Variants in FAM20C observed in about 807,000 individuals in gnomAD.
The protein encoded by FAM20C is FAM20C golgi associated secretory pathway kinase.
In FAM20C, 40 loss-of-function variants were observed where a neutral mutation model predicts 51.5. That is an observed-to-expected ratio of 0.78 (90% CI 0.60 to 1.01). The LOEUF (loss-of-function observed/expected upper bound fraction) is 1.01, where lower values mean the gene tolerates loss of function less well. FAM20C is among the 50% of genes least tolerant of loss of function. FAM20C has a pLI of 0.00. For missense variants in FAM20C, 861 were observed against 844.7 expected (o/e 1.02, Z -0.24); for synonymous variants, 406 against 380.6 (o/e 1.07, Z -0.78).
chr7:231,254 G>C (rs1321100649), intron 3 of FAM20C, among the ~76,000 whole-genome samples: 1 of 152,214 alleles, frequency 6.6e-6, no homozygotes, highest in Non-Finnish European at 1.5e-5. Context: ...GGGCAGAGCA[G>C]GAGCAGCAGC....
chr7:247,315 G>A (rs1000140948), intron 4 of FAM20C, among the ~76,000 whole-genome samples: 1 of 152,172 alleles, frequency 6.6e-6, no homozygotes, highest in Admixed American at 6.5e-5. Flanking sequence ...GTCCAGAGGG[G>A]CCCCGTGGAT....
intron 3 of FAM20C, among the ~76,000 whole-genome samples, chr7:210,059 G>A (rs775660384): frequency 9.9e-5 from 15 of 152,184 alleles, no homozygotes; most frequent in Non-Finnish European, 2.1e-4. Context: ...CCGGGCCGAG[G>A]GCATCCCCGC....
chr7:203,938 C>A (rs139317368), intron 2 of FAM20C, among the ~76,000 whole-genome samples: 2 of 152,162 alleles, frequency 1.3e-5, no homozygotes, highest in Non-Finnish European at 2.9e-5. Context: ...GGGCTTAATC[C>A]GGCTACTAAT....
At chr7:210,413 T>C (rs1292766714) in intron 3 of FAM20C, among the ~76,000 whole-genome samples, 19 of 152,092 alleles carry the variant, frequency 1.2e-4, no homozygotes, top group Admixed American at 1.2e-3. Context: ...CCTTTCAGGA[T>C]GCTGTGGTGT....
chr7:257,634 G>T (rs1276984168), intron 8 of FAM20C, among the ~76,000 whole-genome samples: 1 of 152,186 alleles, frequency 6.6e-6, no homozygotes, highest in Admixed American at 6.5e-5. Flanking sequence ...GCTAAACTGT[G>T]GGCTGACGCT....
At chr7:204,458 G>T (rs1562366204) in intron 2 of FAM20C, among the ~76,000 whole-genome samples, 1 of 152,274 alleles carries the variant, frequency 6.6e-6, no homozygotes, top group African/African-American at 2.4e-5. Flanking sequence ...TGTCAAACGT[G>T]GTTCCTGACA....
chr7:222,526 G>A (rs967055130), intron 3 of FAM20C, among the ~76,000 whole-genome samples: 1 of 152,164 alleles, frequency 6.6e-6, no homozygotes, highest in African/African-American at 2.4e-5. Context: ...GAGTGCACAG[G>A]TGTCCACGGA....
intron 9 of FAM20C, among the ~76,000 whole-genome samples, 157 bp from the exon 10 acceptor site, chr7:259,574 G>A (rs771899790): frequency 8.2e-6 from 1 of 121,904 alleles, no homozygotes; most frequent in African/African-American, 3.4e-5. Context: ...CTCTTTCTCT[G>A]TGTATGTCTC....
At chr7:223,075 A>G (rs1040369134) in intron 3 of FAM20C, among the ~76,000 whole-genome samples, 2 of 151,950 alleles carry the variant, frequency 1.3e-5, no homozygotes, top group African/African-American at 4.8e-5. Flanking sequence ...ACGTGTGTGT[A>G]GGCTTATGTG....
At chr7:233,128 G>T (rs1261055204) in intron 3 of FAM20C, among the ~76,000 whole-genome samples, 1 of 152,230 alleles carries the variant, frequency 6.6e-6, no homozygotes, top group Non-Finnish European at 1.5e-5. Flanking sequence ...TCCAGACCTC[G>T]GTTTCCTTGT....
At chr7:242,887 T>A (rs1284808948) in intron 3 of FAM20C, among the ~76,000 whole-genome samples, 2 of 152,076 alleles carry the variant, frequency 1.3e-5, no homozygotes, top group African/African-American at 4.8e-5. Context: ...AGTGGCTGTG[T>A]GTCCAGGGGA....
chr7:214,512 A>G (rs563043951), intron 3 of FAM20C, among the ~76,000 whole-genome samples: 3 of 152,334 alleles, frequency 2.0e-5, no homozygotes, highest in African/African-American at 7.2e-5. Context: ...GGGAGGCGGT[A>G]CCTGCACTTG....
intron 3 of FAM20C, among the ~76,000 whole-genome samples, chr7:231,705 C>T (rs1014501876): frequency 2.0e-5 from 3 of 152,160 alleles, no homozygotes; most frequent in Non-Finnish European, 4.4e-5. Context: ...GGGGCGCGTG[C>T]GTCTGGCTGA....
At chr7:229,676 G>C (rs190404920) in intron 3 of FAM20C, 1 of 152,250 alleles carries the variant, frequency 6.6e-6, no homozygotes, top group Admixed American at 6.5e-5. Flanking sequence ...CCGCGAACTC[G>C]GGGACCAAAA....
chr7:220,530 C>G (rs565928017), intron 3 of FAM20C, among the ~76,000 whole-genome samples: 2 of 152,316 alleles, frequency 1.3e-5, no homozygotes, highest in Admixed American at 1.3e-4. Context: ...CGTTGTTCCA[C>G]TGACCTTCTG....
chr7:220,468 G>A (rs547660192), intron 3 of FAM20C, among the ~76,000 whole-genome samples: 2 of 152,338 alleles, frequency 1.3e-5, no homozygotes, highest in South Asian at 2.1e-4. Context: ...GGGGTGATGC[G>A]TGGAGGGACT....
intron 5 of FAM20C, among the ~76,000 whole-genome samples, chr7:254,186 C>G (rs961506047): frequency 6.6e-6 from 1 of 152,180 alleles, no homozygotes; most frequent in Non-Finnish European, 1.5e-5. Flanking sequence ...GTTTCCTCTC[C>G]GAACCTCAGC....
intron 3 of FAM20C, among the ~76,000 whole-genome samples, chr7:235,578 C>T (rs1453832650): frequency 1.3e-5 from 2 of 152,252 alleles, no homozygotes; most frequent in Non-Finnish European, 2.9e-5. Flanking sequence ...ACCAGACCCC[C>T]TCCCTGAGCC....
At chr7:216,601 G>T (rs1786974827) in intron 3 of FAM20C, among the ~76,000 whole-genome samples, 1 of 145,524 alleles carries the variant, frequency 6.9e-6, no homozygotes. Flanking sequence ...CAGCCTGGGA[G>T]TTTCTGTGTG....
Sources: gnomAD v4.1 joint callset for allele counts (sites outside exome capture counted in the v4.1 genomes callset) on GRCh38, gnomAD v4.1.1 for gene constraint, MANE v1.5 for transcripts, NCBI Gene and HGNC (gene_info 2026-07-23, HGNC 2026-07-21) for gene names.